Variants in RAB31 observed in about 807,000 individuals in gnomAD.
RAB31 encodes RAB31, member RAS oncogene family, also known as ras-related protein Rab-31.
RAB31 carries 21 observed loss-of-function variants against 25.6 expected under a neutral mutation model. That is an observed-to-expected ratio of 0.82 (90% CI 0.58 to 1.18). The LOEUF is 1.18. Ranked by LOEUF, RAB31 falls within the 50% of genes most tolerant of loss-of-function variation. RAB31 has a pLI of 0.00. For synonymous variants in RAB31, 87 were observed against 84.0 expected (o/e 1.04, Z -0.20); for missense variants, 196 against 250.1 (o/e 0.78, Z 1.46).
intron 5 of RAB31, among the ~76,000 whole-genome samples, chr18:9,826,375 C>G (rs1315075735): frequency 6.6e-6 from 1 of 151,468 alleles, no homozygotes; most frequent in Non-Finnish European, 1.5e-5. Context: ...GACATTGTCT[C>G]AAAATACAAA....
intron 1 of RAB31, among the ~76,000 whole-genome samples, chr18:9,765,473 A>G (rs2068311246): frequency 6.6e-6 from 1 of 152,194 alleles, no homozygotes; most frequent in African/African-American, 2.4e-5. Context: ...ACAGCACAGG[A>G]TGGACTTGAG....
chr18:9,718,745 G>T lies in RAB31; in HGVS notation c.39+10301G>T, dbSNP rs141802641. ...AGGGTGCCAATACGGGCAGGTTCTG[G>T]TGAGGGCTCTCTAAGGGGTTGCAGA... On this transcript the variant is annotated intron_variant, in intron 1 of 6. Transcript: ENST00000578921. 4.1e-3 allele frequency among the ~76,000 whole-genome samples: 627 copies of T among 152,236 alleles called. 4 individuals carry two copies. Among genetic ancestry groups the T allele is most frequent in the African/African-American group, 0.014 (575 of 41,540 alleles).
chr18:9,842,292 T>G (rs1489909899), intron 5 of RAB31, among the ~76,000 whole-genome samples: 6 of 152,090 alleles, frequency 3.9e-5, no homozygotes, highest in Non-Finnish European at 5.9e-5. Context: ...GATTCAACCC[T>G]CTAACCATGT....
At chr18:9,759,734 C>T (rs1467025902) in intron 1 of RAB31, among the ~76,000 whole-genome samples, 4 of 152,116 alleles carry the variant, frequency 2.6e-5, no homozygotes, top group African/African-American at 9.7e-5. Context: ...GACCTGTTTC[C>T]ATACATGGTC....
chr18:9,731,010 C>A (rs2068120267), intron 1 of RAB31, among the ~76,000 whole-genome samples: 1 of 152,224 alleles, frequency 6.6e-6, no homozygotes, highest in African/African-American at 2.4e-5. Flanking sequence ...TCACTACATG[C>A]TAAGTCAGAA....
chr18:9,795,907 CA>C (rs1167016318), intron 3 of RAB31, among the ~76,000 whole-genome samples: 9 of 152,160 alleles, frequency 5.9e-5, no homozygotes, highest in Non-Finnish European at 1.3e-4. Context: ...GAAGTCATTA[CA>C]CAGAAAAGAT....
chr18:9,754,270 C>T (rs1324191479), intron 1 of RAB31, among the ~76,000 whole-genome samples: 1 of 152,044 alleles, frequency 6.6e-6, no homozygotes, highest in East Asian at 1.9e-4. Flanking sequence ...CTGTACTGAA[C>T]AAGTACAGAC....
intron 6 of RAB31, 145 bp from the exon 7 acceptor site, chr18:9,859,083 G>A: frequency 1.5e-6 from 1 of 648,936 alleles, no homozygotes; most frequent in East Asian, 2.8e-5. Context: ...AGGAAGGAAA[G>A]GAAGGAAGGA....
chr18:9,851,149 G>A (rs1212630292), intron 6 of RAB31, among the ~76,000 whole-genome samples: 1 of 152,086 alleles, frequency 6.6e-6, no homozygotes, highest in African/African-American at 2.4e-5. Flanking sequence ...TAAGGAACAA[G>A]GAAAGGACAA....
At chr18:9,772,347 G>A (rs1481625195) in intron 1 of RAB31, among the ~76,000 whole-genome samples, 1 of 152,182 alleles carries the variant, frequency 6.6e-6, no homozygotes, top group Non-Finnish European at 1.5e-5. Context: ...TGGGTGATAG[G>A]GTAAGCCTGG....
At chr18:9,771,593 G>A (rs1568174833) in intron 1 of RAB31, among the ~76,000 whole-genome samples, 3 of 152,154 alleles carry the variant, frequency 2.0e-5, no homozygotes, top group Non-Finnish European at 4.4e-5. Context: ...CTGCGGGGAA[G>A]GGCATTCCCA....
intron 3 of RAB31, among the ~76,000 whole-genome samples, chr18:9,806,885 T>A (rs1311231093): frequency 6.6e-6 from 1 of 152,198 alleles, no homozygotes; most frequent in Non-Finnish European, 1.5e-5. Flanking sequence ...TTCTTGTGGA[T>A]ATGCTTGAAA....
At chr18:9,746,668 A>G (rs950502053) in intron 1 of RAB31, among the ~76,000 whole-genome samples, 5 of 152,234 alleles carry the variant, frequency 3.3e-5, no homozygotes, top group Admixed American at 2.0e-4. Context: ...CAATAGGGAA[A>G]AAATAGTCTG....
chr18:9,845,496 T>C (rs557581694), intron 5 of RAB31, 86 bp from the exon 6 acceptor site: 148 of 1,186,990 alleles, frequency 1.2e-4, no homozygotes, highest in Admixed American at 2.4e-4. Context: ...AAGGAGCTGT[T>C]GCCGCACAAG....
At chr18:9,836,748 A>G (rs1038155544) in intron 5 of RAB31, among the ~76,000 whole-genome samples, 1 of 109,048 alleles carries the variant, frequency 9.2e-6, no homozygotes, top group Non-Finnish European at 2.3e-5. Context: ...GGGGAGACTC[A>G]GTGTGAGGAA....
rs763695194 is a variant in RAB31 at position 9,861,567 on chromosome 18, C to G, written c.*2242C>G. 17 of 152,276 alleles carry G rather than the reference C, an allele frequency of 1.1e-4. No individual in the cohort carries two copies. The highest frequency in any genetic ancestry group is 1.9e-4 in the Non-Finnish European group (13 of 68,020). 9.4% of individuals were successfully genotyped at this position (152,276 alleles called of 1,614,324 possible). A position where few individuals can be genotyped will look rare whatever the true frequency, so the allele number is the denominator to read the frequency against. On this transcript the variant is annotated 3_prime_UTR_variant, in exon 7 of 7. Transcript: ENST00000578921. The stretch of plus-strand genomic sequence containing the variant: ...TCTGTGGATGCTCAGGCCTTGTCTA[C>G]AATGAGGCTTTACAACCTTCCTTTG...
chr18:9,739,345 A>G (rs1043832737), intron 1 of RAB31, among the ~76,000 whole-genome samples: 11 of 152,086 alleles, frequency 7.2e-5, no homozygotes, highest in Non-Finnish European at 5.9e-5. Context: ...GGTGGCGAGC[A>G]CCTGTAGTCC....
chr18:9,857,864 C>CA (rs1184208756), intron 6 of RAB31, among the ~76,000 whole-genome samples: 16,286 of 133,626 alleles, frequency 0.12, 1,138 homozygotes, highest in Middle Eastern at 0.23. Flanking sequence ...CCTATCTCTA[C>CA]AAAAAAAAAA....
chr18:9,724,140 G>T (rs11081495), intron 1 of RAB31, among the ~76,000 whole-genome samples: 1 of 149,322 alleles, frequency 6.7e-6, no homozygotes, highest in Non-Finnish European at 1.5e-5. Context: ...GCGTAGTGGC[G>T]GGCGCCTGTA....
Sources: allele counts gnomAD v4.1 joint callset (sites outside exome capture counted in the v4.1 genomes callset), GRCh38; gene constraint gnomAD v4.1.1; transcripts MANE v1.5; gene names NCBI Gene and HGNC (gene_info 2026-07-23, HGNC 2026-07-21).